Variants in MMS22L observed in about 807,000 individuals in gnomAD.
The protein encoded by MMS22L is MMS22 like, DNA repair protein.
In MMS22L, 74 loss-of-function variants were observed where a neutral mutation model predicts 159.1. The ratio of observed to expected loss-of-function variants is 0.47; its 90% CI spans 0.39 to 0.56. The LOEUF is 0.56. Ranked by LOEUF, MMS22L falls within the 20% of genes least tolerant of loss-of-function variation. MMS22L has a pLI of 0.00. For missense variants in MMS22L, 1,351 were observed against 1,422.1 expected (o/e 0.95, Z 0.80); for synonymous variants, 517 against 506.9 (o/e 1.02, Z -0.27).
chr6:97,227,192 TAAG>T (rs1451868311), intron 14 of MMS22L, among the ~76,000 whole-genome samples: 3 of 152,034 alleles, frequency 2.0e-5, no homozygotes, highest in African/African-American at 7.2e-5. Context: ...AAAAACTATG[TAAG>T]AAGCAATATA....
chr6:97,270,233 T>C (rs1295569022), intron 6 of MMS22L: 1 of 596,278 alleles, frequency 1.7e-6, no homozygotes, highest in Non-Finnish European at 3.1e-6. Flanking sequence ...GGCTGCTGAA[T>C]AGACTTGTAT....
rs1393998172 is a variant in MMS22L, at chr6:97,172,950, C to T, written c.2839+113G>A. 8.2e-6 allele frequency: 8 copies of T among 975,722 alleles called. No homozygotes were observed. In the East Asian group the frequency reaches 1.9e-4, roughly 23 times the overall value. 60.4% of individuals were successfully genotyped at this position (975,722 alleles called of 1,614,324 possible). ...AGCTAAATCACTGTATTTCAGATTA[C>T]TCTTATGATTGTATGGAGGGTAGTG... is the stretch of plus-strand genomic sequence containing the variant. On this transcript the variant is annotated intron_variant, in intron 19 of 24. Coordinates refer to ENST00000683635, the MANE Select transcript of MMS22L (RefSeq NM_001350599.2).
chr6:97,204,641 G>C (rs1402502202), intron 14 of MMS22L, among the ~76,000 whole-genome samples: 1 of 151,732 alleles, frequency 6.6e-6, no homozygotes, highest in East Asian at 2.0e-4. Flanking sequence ...TATTAGGCGG[G>C]GGTAGGGGGT....
chr6:97,268,511 T>G (rs1192369189), intron 7 of MMS22L, among the ~76,000 whole-genome samples: 1 of 152,002 alleles, frequency 6.6e-6, no homozygotes, highest in Non-Finnish European at 1.5e-5. Flanking sequence ...TTCTTCCAAG[T>G]AACATCTAAT....
chr6:97,156,735 A>C (rs939073236), intron 22 of MMS22L, among the ~76,000 whole-genome samples: 4 of 152,160 alleles, frequency 2.6e-5, no homozygotes, highest in African/African-American at 9.7e-5. Context: ...TATCGTTTGA[A>C]GTCAGGTAGC....
intron 21 of MMS22L, among the ~76,000 whole-genome samples, chr6:97,162,645 T>C (rs1219860788): frequency 6.6e-6 from 1 of 151,996 alleles, no homozygotes; most frequent in African/African-American, 2.4e-5. Context: ...AGGAATAAGA[T>C]AGGACACTCA....
chr6:97,196,786 C>G (rs761315223), intron 14 of MMS22L, among the ~76,000 whole-genome samples: 2 of 152,002 alleles, frequency 1.3e-5, no homozygotes, highest in African/African-American at 2.4e-5. Context: ...AAAACCCAAC[C>G]TGATGAGTAT....
At chr6:97,159,584 T>G (rs974258082) in intron 22 of MMS22L, among the ~76,000 whole-genome samples, 1 of 152,090 alleles carries the variant, frequency 6.6e-6, no homozygotes, top group South Asian at 2.1e-4. Flanking sequence ...CAAATACATA[T>G]CTTAACTTCT....
intron 16 of MMS22L, among the ~76,000 whole-genome samples, 169 bp downstream of exon 16, chr6:97,181,735 C>T (rs1804732494): frequency 6.6e-6 from 1 of 151,768 alleles, no homozygotes; most frequent in Admixed American, 6.6e-5. Flanking sequence ...AGTTAGTGTT[C>T]TTACTATTAC....
intron 15 of MMS22L, among the ~76,000 whole-genome samples, chr6:97,182,624 C>T (rs1316680106): frequency 6.6e-6 from 1 of 152,158 alleles, no homozygotes; most frequent in African/African-American, 2.4e-5. Flanking sequence ...CCCATAAACT[C>T]ATTTTGTATG....
chr6:97,267,279 C>A (rs146247266), intron 8 of MMS22L: 4 of 152,002 alleles, frequency 2.6e-5, no homozygotes, highest in Admixed American at 2.6e-4. Flanking sequence ...ACAGTCTTTA[C>A]GCTTGTAATC....
In MMS22L at chr6:97,273,069, C is replaced by A. The variant is rs1003339736; in HGVS notation, c.341-7G>T. 1.5e-5 allele frequency: 24 copies of A among 1,595,004 alleles called. No individual in the cohort carries two copies. The highest frequency in any genetic ancestry group is 2.0e-5 in the Non-Finnish European group (23 of 1,172,750). On this transcript the variant is annotated splice_region_variant and splice_polypyrimidine_tract_variant and intron_variant, in intron 4 of 24. Coordinates refer to ENST00000683635, the MANE Select transcript of MMS22L (RefSeq NM_001350599.2). ...TGTAGAGTTGATACCTTCCCTGAAA[C>A]CAAAATAGACAATGTTAATCATAGT...
chr6:97,243,787 T>TC (rs1383164286), intron 11 of MMS22L, among the ~76,000 whole-genome samples: 1 of 152,084 alleles, frequency 6.6e-6, no homozygotes, highest in Non-Finnish European at 1.5e-5. Flanking sequence ...GATGTGGTGT[T>TC]CTCCCCCTTC....
intron 9 of MMS22L, among the ~76,000 whole-genome samples, chr6:97,254,940 T>C (rs1319151812): frequency 1.3e-5 from 2 of 152,144 alleles, no homozygotes; most frequent in African/African-American, 2.4e-5. Context: ...TCCTCCTCCA[T>C]CCAGTAGTTA....
chr6:97,231,453 G>C lies in MMS22L; in HGVS notation c.1502C>G (p.Pro501Arg), dbSNP rs752244668. The part of the protein sequence containing the change: ...VVKKAMKSNG[P>R]HPWKQVKGRI... Reference sequence around the variant, plus strand: ...TCCTTTGACTTGTTTCCAAGGATGAGGGCCATTGCTCTTCATTGCTTTTTT... The same window carrying C: ...TCCTTTGACTTGTTTCCAAGGATGACGGCCATTGCTCTTCATTGCTTTTTT... Residue 501 changes from proline to arginine, a missense_variant, in exon 13 of 25, where the codon CCT (proline) becomes CGT (arginine). Pro to Arg is a moderately radical substitution (Grantham distance 103). Coordinates refer to ENST00000683635, the MANE Select transcript of MMS22L (RefSeq NM_001350599.2). The C allele has an allele frequency of 1.3e-5, 21 of 1,613,496 alleles. No homozygotes were observed. Among genetic ancestry groups the C allele is most frequent in the Non-Finnish European group, 1.7e-5 (20 of 1,179,676 alleles).
intron 14 of MMS22L, among the ~76,000 whole-genome samples, chr6:97,206,237 A>G (rs1807769157): frequency 6.6e-6 from 1 of 152,098 alleles, no homozygotes; most frequent in South Asian, 2.1e-4. Flanking sequence ...ATTTTATTGA[A>G]ATGATTTTTA....
At chr6:97,156,128 T>A (rs1801815798) in intron 22 of MMS22L, among the ~76,000 whole-genome samples, 1 of 152,244 alleles carries the variant, frequency 6.6e-6, no homozygotes, top group South Asian at 2.1e-4. Flanking sequence ...ATAAATGTCT[T>A]CTTTTGAGAA....
At chr6:97,222,318 A>AAT (rs575262840) in intron 14 of MMS22L, among the ~76,000 whole-genome samples, 9 of 152,094 alleles carry the variant, frequency 5.9e-5, no homozygotes, top group African/African-American at 9.6e-5. Context: ...AAGGAATTTA[A>AAT]ATATATATAT....
intron 15 of MMS22L, among the ~76,000 whole-genome samples, chr6:97,183,259 C>G (rs993291677): frequency 6.6e-6 from 1 of 152,176 alleles, no homozygotes; most frequent in African/African-American, 2.4e-5. Flanking sequence ...CATGCCTTCC[C>G]TGTCCCTTTT....
Sources: gnomAD v4.1 joint callset for allele counts (sites outside exome capture counted in the v4.1 genomes callset) on GRCh38, gnomAD v4.1.1 for gene constraint, MANE v1.5 for transcripts, NCBI Gene and HGNC (gene_info 2026-07-23, HGNC 2026-07-21) for gene names.